The following MACROD2 variants were observed in gnomAD, a reference collection of about 807,000 sequenced individuals.
MACROD2 encodes the protein ADP-ribose glycohydrolase MACROD2.
Under a neutral mutation model 70.4 loss-of-function variants are expected in MACROD2, and 36 were observed. The ratio of observed to expected loss-of-function variants is 0.51; its 90% confidence interval spans 0.39 to 0.68. The LOEUF (loss-of-function observed/expected upper bound fraction) is 0.68. MACROD2 is among the 30% of genes least tolerant of loss of function. The pLI is 0.00. For synonymous variants in MACROD2, 172 were observed against 178.8 expected (o/e 0.96, Z 0.30); for missense variants, 496 against 538.4 (o/e 0.92, Z 0.78).
rs542532669 is a variant in MACROD2, at chr20:16,021,725, C to T, written c.1154-19476C>T. Among the ~76,000 whole-genome samples the T allele has an allele frequency of 1.1e-4, 16 of 152,250 alleles. No individual in the cohort carries two copies. The East Asian group carries it at 2.1e-3, about 20-fold the overall frequency. On this transcript the variant is annotated intron_variant, in intron 15 of 17. Coordinates refer to ENST00000684519, the MANE Select transcript of MACROD2 (RefSeq NM_001351661.2). ...ACTTTTACCTATTAGGAACCTGAAT[C>T]GCAATGAGGTTAAATAACATGCCCA...
chr20:15,352,527 T>C (rs1253643763), intron 6 of MACROD2, among the ~76,000 whole-genome samples: 1 of 152,160 alleles, frequency 6.6e-6, no homozygotes, highest in African/African-American at 2.4e-5. Flanking sequence ...TTCAGAAGTA[T>C]TTAAAAGAAT....
intron 8 of MACROD2, among the ~76,000 whole-genome samples, chr20:15,536,983 T>G (rs546231645): frequency 6.6e-6 from 1 of 152,270 alleles, no homozygotes; most frequent in Admixed American, 6.5e-5. Context: ...AGTTCTGAAC[T>G]GACTACCCTC....
At chr20:15,381,747 C>T (rs963452305) in intron 6 of MACROD2, among the ~76,000 whole-genome samples, 1 of 152,116 alleles carries the variant, frequency 6.6e-6, no homozygotes, top group African/African-American at 2.4e-5. Flanking sequence ...TAGTGACTTA[C>T]CAGCGTGGGA....
At chr20:14,734,538 CA>C (rs1267159842) in intron 5 of MACROD2, among the ~76,000 whole-genome samples, 2 of 87,618 alleles carry the variant, frequency 2.3e-5, no homozygotes, top group East Asian at 5.2e-4. Context: ...AAAACAAAAA[CA>C]AAAAAGCAAA....
chr20:14,903,039 C>CTTTT (rs11483540), intron 5 of MACROD2, among the ~76,000 whole-genome samples: 6 of 116,746 alleles, frequency 5.1e-5, no homozygotes, highest in African/African-American at 1.0e-4. Flanking sequence ...TTTTCTTTCC[C>CTTTT]TTTTTTTTTT....
Position 15,103,452 on chromosome 20 carries a change from C to A in MACROD2, c.419-126488C>A, listed in dbSNP as rs922581998. 5.3e-5 allele frequency among the ~76,000 whole-genome samples: 8 copies of A among 152,064 alleles called. 1 individual carries two copies. The South Asian group carries it at 1.7e-3, about 32-fold the overall frequency. On this transcript the variant is annotated intron_variant, in intron 5 of 17. Coordinates refer to ENST00000684519, the MANE Select transcript of MACROD2 (RefSeq NM_001351661.2). ...TTCTTATATCAGACACTGACAAGCA[C>A]AATGGGACCAACATGGTTGATGTAT... is the stretch of plus-strand genomic sequence containing the variant.
intron 3 of MACROD2, among the ~76,000 whole-genome samples, chr20:14,188,761 T>G (rs995220079): frequency 6.6e-6 from 1 of 152,108 alleles, no homozygotes; most frequent in Non-Finnish European, 1.5e-5. Context: ...AATGAGAGAT[T>G]TGAGTGTACT....
intron 5 of MACROD2, among the ~76,000 whole-genome samples, chr20:15,094,637 TAA>T (rs2075815597): frequency 6.6e-6 from 1 of 152,170 alleles, no homozygotes; most frequent in South Asian, 2.1e-4. Flanking sequence ...TCCTTTCTAT[TAA>T]GTTAGGACAA....
chr20:14,068,946 T>G (rs112793984), intron 2 of MACROD2, among the ~76,000 whole-genome samples: 3,477 of 152,130 alleles, frequency 0.023, 56 homozygotes, highest in Non-Finnish European at 0.038. Flanking sequence ...GGCTTTTTTT[T>G]GTTTTGTTTT....
At chr20:14,136,054 A>G (rs1459973615) in intron 3 of MACROD2, among the ~76,000 whole-genome samples, 4 of 152,226 alleles carry the variant, frequency 2.6e-5, no homozygotes, top group Admixed American at 2.0e-4. Flanking sequence ...GTCTTTATCT[A>G]CAGATGACGT....
intron 8 of MACROD2, among the ~76,000 whole-genome samples, chr20:15,563,087 G>A (rs897271929): frequency 6.6e-6 from 1 of 152,228 alleles, no homozygotes; most frequent in African/African-American, 2.4e-5. Flanking sequence ...GTGTGTGCAT[G>A]CAGCCATGCA....
At chr20:15,947,492 G>C (rs1449905511) in intron 12 of MACROD2, among the ~76,000 whole-genome samples, 1 of 152,132 alleles carries the variant, frequency 6.6e-6, no homozygotes, top group East Asian at 1.9e-4. Context: ...CTTAAACCTT[G>C]ATTCCATACA....
chr20:14,927,005 C>T (rs1234848485), intron 5 of MACROD2, among the ~76,000 whole-genome samples: 1 of 152,112 alleles, frequency 6.6e-6, no homozygotes, highest in Non-Finnish European at 1.5e-5. Flanking sequence ...GTCAGTTCAT[C>T]CTTGCATTAT....
chr20:14,813,876 C>T (rs2072743791), intron 5 of MACROD2, among the ~76,000 whole-genome samples: 1 of 151,974 alleles, frequency 6.6e-6, no homozygotes, highest in Non-Finnish European at 1.5e-5. Context: ...CTGAAGGTGC[C>T]AACCCTCTGA....
intron 5 of MACROD2, among the ~76,000 whole-genome samples, chr20:15,170,314 A>G (rs2076414221): frequency 6.6e-6 from 1 of 152,236 alleles, no homozygotes; most frequent in African/African-American, 2.4e-5. Context: ...GTCATACAAT[A>G]TTTGAGAAGG....
chr20:14,581,248 T>A (rs1011124664), intron 4 of MACROD2, among the ~76,000 whole-genome samples: 2 of 152,232 alleles, frequency 1.3e-5, no homozygotes, highest in Non-Finnish European at 2.9e-5. Flanking sequence ...CAACCTTAGC[T>A]GCATATTAGA....
chr20:15,831,630 T>C (rs6135565), intron 8 of MACROD2, among the ~76,000 whole-genome samples: 132,423 of 152,126 alleles, frequency 0.87, 57,921 homozygotes, highest in East Asian at 1. Flanking sequence ...TTGCCTGTTC[T>C]GTCTCTGACA....
chr20:16,021,450 G>A (rs1396897808), intron 15 of MACROD2, among the ~76,000 whole-genome samples: 1 of 152,200 alleles, frequency 6.6e-6, no homozygotes, highest in African/African-American at 2.4e-5. Context: ...AGACAGAGGT[G>A]GCATCGCCTG....
At chr20:14,329,954 T>C (rs138413597) in intron 3 of MACROD2, among the ~76,000 whole-genome samples, 86 of 152,148 alleles carry the variant, frequency 5.7e-4, no homozygotes, top group African/African-American at 1.9e-3. Context: ...ACTCAGGTGT[T>C]CTTGCCCAAA....
Sources: gnomAD v4.1 joint callset for allele counts (sites outside exome capture counted in the v4.1 genomes callset) on GRCh38, gnomAD v4.1.1 for gene constraint, MANE v1.5 for transcripts, NCBI Gene and HGNC (gene_info 2026-07-23, HGNC 2026-07-21) for gene names.